Variants in PAX5 observed in about 807,000 individuals in gnomAD.
PAX5 encodes the protein paired box 5, also known as paired box protein Pax-5.
PAX5 carries 9 observed loss-of-function variants against 43.7 expected under a neutral mutation model. That is an observed-to-expected ratio of 0.21 (90% CI 0.12 to 0.36). The LOEUF is 0.36. PAX5 is among the 10% of genes least tolerant of loss of function. The pLI, the probability that PAX5 is intolerant of heterozygous loss-of-function variation, is 1.00. For missense variants in PAX5, 383 were observed against 532.7 expected, an observed-to-expected ratio of 0.72 and a Z score of 2.77; for synonymous variants, 228 against 214.3, an observed-to-expected ratio of 1.06 and a Z score of -0.56.
At position 36,835,293 on chromosome 9, in the gene PAX5, A is replaced by G. The variant is rs1322070081; in HGVS notation, c.*5267T>C. 8.6e-6 allele frequency: 2 copies of G among 232,746 alleles called. No individual in the cohort carries two copies. The highest frequency in any genetic ancestry group is 1.7e-5 in the Non-Finnish European group (2 of 117,802). The allele number at this position is 232,746 out of a possible 1,614,324, so 14.4% of individuals were successfully genotyped here. Reference sequence around the variant, plus strand: ...CCCTTCAATCCTGGGGTGCCCAGGAACGGAGCCTCAGTGCTGAGGAATTAC... The same window carrying G: ...CCCTTCAATCCTGGGGTGCCCAGGAGCGGAGCCTCAGTGCTGAGGAATTAC... On this transcript the variant is annotated 3_prime_UTR_variant, in exon 10 of 10. Transcript: ENST00000358127.
rs1353479769 is a variant in PAX5, at chr9:37,034,140, G to A, written c.-109C>T. ...TTTTTTTTTTTTGGTGCCAGGGGCC[G>A]CTCACAGGTCGGAATAATTCAAGCC... On this transcript the variant is annotated 5_prime_UTR_variant, in exon 1 of 10. Coordinates refer to ENST00000358127, the MANE Select transcript of PAX5 (RefSeq NM_016734.3). The A allele has an allele frequency of 8.2e-6, 5 of 609,616 alleles. No individual in the cohort carries two copies. Among genetic ancestry groups the A allele is most frequent in the South Asian group, 6.0e-5 (3 of 49,702 alleles). 37.8% of individuals were successfully genotyped at this position (609,616 alleles called of 1,614,324 possible). A position where few individuals can be genotyped will look rare whatever the true frequency, so the allele number is the denominator to read the frequency against.
chr9:37,025,342 C>T (rs1840235379), intron 1 of PAX5, among the ~76,000 whole-genome samples: 1 of 152,058 alleles, frequency 6.6e-6, no homozygotes, highest in Admixed American at 6.5e-5. Flanking sequence ...GGAAGCTCAC[C>T]TTCACTCCAG....
At chr9:36,945,199 A>C (rs1832385608) in intron 6 of PAX5, among the ~76,000 whole-genome samples, 1 of 151,570 alleles carries the variant, frequency 6.6e-6, no homozygotes, top group Non-Finnish European at 1.5e-5. Flanking sequence ...ATGGTAAAAA[A>C]CAAAACTCCC....
intron 5 of PAX5, among the ~76,000 whole-genome samples, chr9:36,983,717 AC>A (rs1766116592): frequency 6.6e-6 from 1 of 151,918 alleles, no homozygotes; most frequent in African/African-American, 2.4e-5. Context: ...CAAGGGATCC[AC>A]CCCTCTCGGC....
At chr9:37,006,966 A>ATACC (rs1838454811) in intron 3 of PAX5, among the ~76,000 whole-genome samples, 1 of 152,156 alleles carries the variant, frequency 6.6e-6, no homozygotes, top group Non-Finnish European at 1.5e-5. Context: ...TGAACTTGGT[A>ATACC]ATCTCTCTGT....
intron 6 of PAX5, among the ~76,000 whole-genome samples, chr9:36,927,124 G>T (rs965850827): frequency 1.3e-5 from 2 of 152,140 alleles, no homozygotes; most frequent in Non-Finnish European, 1.5e-5. Flanking sequence ...GCTGGAACTC[G>T]ATTGTGAAGG....
chr9:36,981,247 A>T (rs10973152), intron 5 of PAX5, among the ~76,000 whole-genome samples: 18 of 145,762 alleles, frequency 1.2e-4, no homozygotes, highest in African/African-American at 3.6e-4. Flanking sequence ...TTTCCTCCAG[A>T]GCATAGAACA....
intron 6 of PAX5, among the ~76,000 whole-genome samples, chr9:36,946,936 A>G (rs3758168): frequency 0.72 from 109,349 of 152,108 alleles, 40,095 homozygotes; most frequent in Non-Finnish European, 0.79. Flanking sequence ...GAGGGAAGTG[A>G]TTACTTTTTC....
At chr9:37,017,649 G>T (rs1839494915) in intron 2 of PAX5, among the ~76,000 whole-genome samples, 1 of 152,218 alleles carries the variant, frequency 6.6e-6, no homozygotes, top group African/African-American at 2.4e-5. Flanking sequence ...CATTCACATA[G>T]CAACTCTGGG....
At chr9:36,924,983 T>C (rs1830537673) in intron 6 of PAX5, among the ~76,000 whole-genome samples, 1 of 151,928 alleles carries the variant, frequency 6.6e-6, no homozygotes, top group Admixed American at 6.5e-5. Context: ...GTTATGTCCT[T>C]GTCAGGGAGG....
intron 7 of PAX5, among the ~76,000 whole-genome samples, chr9:36,888,295 C>T (rs1410676503): frequency 6.6e-6 from 1 of 152,184 alleles, no homozygotes; most frequent in Non-Finnish European, 1.5e-5. Context: ...GAACGTATGT[C>T]CACATAAAAA....
At chr9:36,852,297 G>A (rs1355929396) in intron 8 of PAX5, among the ~76,000 whole-genome samples, 4 of 152,158 alleles carry the variant, frequency 2.6e-5, no homozygotes, top group Non-Finnish European at 4.4e-5. Flanking sequence ...AAGAAATACA[G>A]AGCTGTGGAA....
intron 2 of PAX5, among the ~76,000 whole-genome samples, chr9:37,018,776 C>T (rs1839608871): frequency 6.6e-6 from 1 of 152,094 alleles, no homozygotes; most frequent in African/African-American, 2.4e-5. Flanking sequence ...CGGAGCGGCG[C>T]GTAACTTCCG....
chr9:36,946,785 T>C (rs2132085919), intron 6 of PAX5, among the ~76,000 whole-genome samples: 1 of 152,312 alleles, frequency 6.6e-6, no homozygotes, highest in Non-Finnish European at 1.5e-5. Context: ...CAGGAGACAG[T>C]TGAGGCAACT....
At chr9:36,947,130 C>T (rs3758170) in intron 6 of PAX5, among the ~76,000 whole-genome samples, 42,492 of 152,002 alleles carry the variant, frequency 0.28, 6,702 homozygotes, top group African/African-American at 0.44. Flanking sequence ...AATAAATATG[C>T]CTGTTCCTAA....
chr9:37,024,119 A>G (rs1840089823), intron 1 of PAX5, among the ~76,000 whole-genome samples: 1 of 152,200 alleles, frequency 6.6e-6, no homozygotes, highest in African/African-American at 2.4e-5. Context: ...TCAATATCAT[A>G]TTCTGCAAAA....
intron 8 of PAX5, among the ~76,000 whole-genome samples, chr9:36,847,950 A>ATC (rs1329224336): frequency 1.3e-5 from 2 of 152,166 alleles, no homozygotes; most frequent in Non-Finnish European, 2.9e-5. Flanking sequence ...GCCTGGACTC[A>ATC]TCGCCAGGTG....
intron 5 of PAX5, among the ~76,000 whole-genome samples, chr9:36,989,498 G>A (rs1171207369): frequency 6.6e-6 from 1 of 152,206 alleles, no homozygotes; most frequent in Non-Finnish European, 1.5e-5. Flanking sequence ...AAAATCCAGA[G>A]TCAATACTCA....
chr9:37,031,815 A>G (rs1319219052), intron 1 of PAX5, among the ~76,000 whole-genome samples: 1 of 152,150 alleles, frequency 6.6e-6, no homozygotes, highest in African/African-American at 2.4e-5. Flanking sequence ...CTCCCTCCCC[A>G]TTGGGCAGAT....
Sources: allele counts gnomAD v4.1 joint callset (sites outside exome capture counted in the v4.1 genomes callset), GRCh38; gene constraint gnomAD v4.1.1; transcripts MANE v1.5; gene names NCBI Gene and HGNC (gene_info 2026-07-23, HGNC 2026-07-21).